Variants in ENSA observed in about 807,000 individuals in gnomAD.
The protein encoded by ENSA is alpha-endosulfine.
A neutral mutation model predicts 16.8 loss-of-function variants in ENSA; 7 were observed. That is an observed-to-expected ratio of 0.42 (90% CI 0.24 to 0.78). The LOEUF is 0.78. ENSA is among the 30% of genes least tolerant of loss of function. ENSA has a pLI of 0.29. For synonymous variants in ENSA, 58 were observed against 53.4 expected, an observed-to-expected ratio of 1.09 and a Z score of -0.37; for missense variants, 87 against 142.3, an observed-to-expected ratio of 0.61 and a Z score of 1.98.
intron 2 of ENSA, chr1:150,626,921 G>A (rs1649372175): frequency 2.4e-6 from 1 of 424,732 alleles, no homozygotes; most frequent in Admixed American, 5.5e-5. Context: ...ATCTGATCAG[G>A]AGCTACATGG....
At chr1:150,627,323 T>C (rs1229650414) in intron 2 of ENSA, 144 bp downstream of exon 2, 5 of 1,602,644 alleles carry the variant, frequency 3.1e-6, no homozygotes, top group Non-Finnish European at 4.3e-6. Context: ...TTAATTTGAC[T>C]TGCTCTTTTC....
At chr1:150,627,367 A>C (rs1182621288) in intron 2 of ENSA, 100 bp downstream of exon 2, 1 of 1,611,736 alleles carries the variant, frequency 6.2e-7, no homozygotes, top group Non-Finnish European at 8.5e-7. Context: ...CTGTTCAACA[A>C]CAAAACCTCC....
intron 1 of ENSA, chr1:150,629,134 A>G: frequency 6.2e-7 from 1 of 1,613,602 alleles, no homozygotes; most frequent in Non-Finnish European, 8.5e-7. Flanking sequence ...CTTTCCAACC[A>G]CCCGCCCCAC....
At chr1:150,622,933 AACCCAGTCTCT>A in intron 3 of ENSA, 74 bp from the exon 4 acceptor site, 1 of 1,508,228 alleles carries the variant, frequency 6.6e-7, no homozygotes, top group South Asian at 1.2e-5. Flanking sequence ...CCTGAACTCC[AACCCAGTCTCT>A]ACCCCATGAT....
chr1:150,629,174 T>G, intron 1 of ENSA: 8 of 1,613,448 alleles, frequency 5.0e-6, no homozygotes, highest in Non-Finnish European at 5.9e-6. Flanking sequence ...TAGCACAGCG[T>G]CCAAGGTTTG....
At chr1:150,624,732 C>T (rs1164798136) in intron 3 of ENSA, 2 of 985,372 alleles carry the variant, frequency 2.0e-6, no homozygotes, top group Non-Finnish European at 2.4e-6. Context: ...TCACCACCCA[C>T]GAGCCTTCCT....
chr1:150,626,648 C>G, intron 2 of ENSA: 1 of 655,340 alleles, frequency 1.5e-6, no homozygotes, highest in Non-Finnish European at 2.6e-6. Flanking sequence ...GCTCCGCCTC[C>G]CGGGTTCACG....
intron 3 of ENSA, chr1:150,623,181 G>A (rs587696248): frequency 8.7e-7 from 1 of 1,150,552 alleles, no homozygotes; most frequent in East Asian, 5.3e-5. Flanking sequence ...GCTCAGAGCA[G>A]GCTGTTTCAG....
chr1:150,626,357 T>C (rs1649308179), intron 2 of ENSA: 6 of 875,490 alleles, frequency 6.9e-6, no homozygotes, highest in Non-Finnish European at 1.1e-5. Context: ...ACATGTTCCA[T>C]GACTGTGACA....
Position 150,622,833 on chromosome 1 carries a change from C to A in ENSA, c.*11G>T. 1.9e-6 allele frequency: 3 copies of A among 1,560,036 alleles called. No individual in the cohort carries two copies. The highest frequency in any genetic ancestry group is 2.6e-6 in the Non-Finnish European group (3 of 1,152,000). On this transcript the variant is annotated 3_prime_UTR_variant, in exon 4 of 4. Transcript: ENST00000369014. Reference sequence around the variant, plus strand: ...GAAGCGTCTCAGGATCTGGCAGAGCCCCGGGCAGCATCATTCAACTTGGCC... The same window carrying A: ...GAAGCGTCTCAGGATCTGGCAGAGCACCGGGCAGCATCATTCAACTTGGCC...
chr1:150,623,573 A>G, intron 3 of ENSA: 1 of 985,710 alleles, frequency 1.0e-6, no homozygotes, highest in South Asian at 4.7e-5. Context: ...CTCAGACAGA[A>G]AAGAAAAAAA....
In ENSA at chr1:150,622,909, T is replaced by C. The variant is rs373845676; in HGVS notation, c.351-50A>G. 51 of 1,532,276 alleles carry C rather than the reference T, an allele frequency of 3.3e-5. No homozygotes were observed. The African/African-American group carries it at 6.9e-4, about 21-fold the overall frequency. The allele number at this position is 1,532,276 out of a possible 1,614,324, so 94.9% of individuals were successfully genotyped here. On this transcript the variant is annotated intron_variant, in intron 3 of 3. Coordinates refer to ENST00000369014, the MANE Select transcript of ENSA (RefSeq NM_004436.4). ...AAAAAAAAACAACACTGTCAAGTAA[T>C]AGGGGAAAAAAACCCTGAACTCCAA...
At chr1:150,628,954 C>T (rs1181142080) in intron 1 of ENSA, 1 of 1,190,148 alleles carries the variant, frequency 8.4e-7, no homozygotes, top group Non-Finnish European at 1.2e-6. Flanking sequence ...ATAATAACTA[C>T]ACTTCTCCCC....
intron 2 of ENSA, 68 bp downstream of exon 2, chr1:150,627,399 T>C (rs1357160132): frequency 1.9e-6 from 3 of 1,614,228 alleles, no homozygotes; most frequent in Admixed American, 3.3e-5. Context: ...CAGTAGAACC[T>C]CTACAGACTT....
At position 150,624,851 on chromosome 1, in the gene ENSA, T is replaced by C. The variant is rs868526688; in HGVS notation, c.350+791A>G. ...TAACTCTATTTTACAGATGAGGAAA[T>C]AGAAATCCAGAGAGGCTAAATGACT... On this transcript the variant is annotated intron_variant, in intron 3 of 3. Coordinates refer to ENST00000369014, the MANE Select transcript of ENSA (RefSeq NM_004436.4). The C allele has an allele frequency of 4.1e-6, 4 of 977,204 alleles. No individual in the cohort carries two copies. The African/African-American group carries it at 5.3e-5, about 13-fold the overall frequency. The allele number at this position is 977,204 out of a possible 1,614,324, so 60.5% of individuals were successfully genotyped here.
intron 1 of ENSA, chr1:150,629,140 C>T: frequency 1.2e-6 from 2 of 1,614,174 alleles, no homozygotes; most frequent in Non-Finnish European, 1.7e-6. Context: ...AACCACCCGC[C>T]CCACGTCCAT....
intron 2 of ENSA, 43 bp downstream of exon 2, chr1:150,627,424 C>G: frequency 6.2e-7 from 1 of 1,614,226 alleles, no homozygotes; most frequent in Middle Eastern, 1.6e-4. Flanking sequence ...CGAAGAACCT[C>G]CTTTAGCTCC....
At chr1:150,623,649 AATAAC>A in intron 3 of ENSA, 1 of 961,778 alleles carries the variant, frequency 1.0e-6, no homozygotes, top group Non-Finnish European at 1.2e-6. Context: ...TTATATATAT[AATAAC>A]ATGACATATC....
At chr1:150,629,195 C>G (rs1649566990) in intron 1 of ENSA, 6 of 1,604,616 alleles carry the variant, frequency 3.7e-6, no homozygotes, top group Non-Finnish European at 5.1e-6. Context: ...AGCGGTAGGC[C>G]TATTGGCCAA....
Sources: gnomAD v4.1 joint callset for allele counts on GRCh38, gnomAD v4.1.1 for gene constraint, MANE v1.5 for transcripts, NCBI Gene and HGNC (gene_info 2026-07-23, HGNC 2026-07-21) for gene names.